The following INPP5A variants were observed in gnomAD, a reference collection of about 807,000 sequenced individuals.
The protein encoded by INPP5A is inositol polyphosphate-5-phosphatase A, also known as 43 kDa inositol polyphosphate 5-phophatase.
Under a neutral mutation model 65.2 loss-of-function variants are expected in INPP5A, and 14 were observed. The ratio of observed to expected loss-of-function variants is 0.21; its 90% CI spans 0.14 to 0.34. The LOEUF is 0.34. Among genes scored for constraint, INPP5A ranks in the 10% least tolerant of loss-of-function variants. The pLI is 1.00. For synonymous variants in INPP5A, 207 were observed against 208.3 expected (o/e 0.99, Z 0.05); for missense variants, 431 against 545.6 (o/e 0.79, Z 2.09).
At chr10:132,542,974 T>C (rs1034809492) in intron 1 of INPP5A, among the ~76,000 whole-genome samples, 1 of 152,118 alleles carries the variant, frequency 6.6e-6, no homozygotes, top group African/African-American at 2.4e-5. Context: ...AGCTGATTTT[T>C]TTATTTTTAT....
intron 1 of INPP5A, among the ~76,000 whole-genome samples, chr10:132,569,714 G>A (rs1460228818): frequency 6.6e-6 from 1 of 150,838 alleles, no homozygotes; most frequent in Non-Finnish European, 1.5e-5. Flanking sequence ...ATATTGGCCA[G>A]GCTGGTCTCG....
At chr10:132,703,462 C>T (rs1845470509) in intron 6 of INPP5A, among the ~76,000 whole-genome samples, 1 of 142,604 alleles carries the variant, frequency 7.0e-6, no homozygotes, top group Non-Finnish European at 1.5e-5. Context: ...ACATGCTTCA[C>T]CCACAGACAC....
chr10:132,766,723 T>A (rs2134675574), intron 12 of INPP5A, among the ~76,000 whole-genome samples: 1 of 152,358 alleles, frequency 6.6e-6, no homozygotes, highest in African/African-American at 2.4e-5. Flanking sequence ...TGCCTGGGTG[T>A]GGATGTTTGT....
intron 8 of INPP5A, among the ~76,000 whole-genome samples, chr10:132,711,837 T>TTGGCAGGCAC (rs1427995565): frequency 1.1e-4 from 16 of 152,262 alleles, no homozygotes; most frequent in African/African-American, 3.9e-4. Flanking sequence ...GAGGCAGGGA[T>TTGGCAGGCAC]TGGCAGGCAC....
At chr10:132,740,761 G>A (rs1164308171) in intron 9 of INPP5A, among the ~76,000 whole-genome samples, 1 of 152,138 alleles carries the variant, frequency 6.6e-6, no homozygotes, top group Non-Finnish European at 1.5e-5. Flanking sequence ...AATAAAGAAG[G>A]ATGGGACTTG....
chr10:132,574,474 G>T (rs955308874), intron 1 of INPP5A, among the ~76,000 whole-genome samples: 2 of 151,716 alleles, frequency 1.3e-5, no homozygotes, highest in Non-Finnish European at 2.9e-5. Flanking sequence ...TGTGTGTCCT[G>T]TGTGAGGTTT....
At chr10:132,657,923 G>A (rs892167154) in intron 4 of INPP5A, among the ~76,000 whole-genome samples, 1 of 152,218 alleles carries the variant, frequency 6.6e-6, no homozygotes, top group African/African-American at 2.4e-5. Flanking sequence ...CCTAAATCAC[G>A]GGCTGTCTCC....
intron 2 of INPP5A, among the ~76,000 whole-genome samples, chr10:132,632,697 A>G (rs1340282318): frequency 6.6e-6 from 1 of 152,232 alleles, no homozygotes; most frequent in Non-Finnish European, 1.5e-5. Context: ...ATTAAAAATC[A>G]AATTATATAA....
intron 12 of INPP5A, among the ~76,000 whole-genome samples, chr10:132,774,335 C>T (rs891691693): frequency 6.6e-6 from 1 of 152,220 alleles, no homozygotes; most frequent in Non-Finnish European, 1.5e-5. Context: ...CTGCACCCTC[C>T]TGCTCCGTGT....
chr10:132,728,256 C>T (rs1202157981), intron 9 of INPP5A, among the ~76,000 whole-genome samples: 3 of 152,212 alleles, frequency 2.0e-5, no homozygotes, highest in African/African-American at 4.8e-5. Context: ...TTTTAAAGCA[C>T]ACATCCCCCA....
At chr10:132,752,399 C>A (rs1846502544) in intron 11 of INPP5A, among the ~76,000 whole-genome samples, 1 of 138,774 alleles carries the variant, frequency 7.2e-6, no homozygotes. Flanking sequence ...CCAGCCGGGG[C>A]TGCGTGGAGT....
intron 4 of INPP5A, among the ~76,000 whole-genome samples, chr10:132,686,680 T>C (rs1845135675): frequency 6.6e-6 from 1 of 152,280 alleles, no homozygotes; most frequent in Non-Finnish European, 1.5e-5. Context: ...TTTTCACTTA[T>C]TTATTGCAAA....
intron 4 of INPP5A, among the ~76,000 whole-genome samples, chr10:132,662,705 A>G (rs78550111): frequency 0.014 from 2,197 of 152,228 alleles, 20 homozygotes; most frequent in Middle Eastern, 0.051. Context: ...TGCTGGACGG[A>G]AGGCAGCTGT....
chr10:132,639,592 G>A (rs962980457), intron 2 of INPP5A, among the ~76,000 whole-genome samples: 2 of 152,214 alleles, frequency 1.3e-5, no homozygotes, highest in African/African-American at 2.4e-5. Context: ...CACTCACTGA[G>A]GTTCTAGAAT....
chr10:132,595,842 T>G (rs942383572), intron 1 of INPP5A, among the ~76,000 whole-genome samples: 1 of 152,232 alleles, frequency 6.6e-6, no homozygotes, highest in African/African-American at 2.4e-5. Flanking sequence ...TTAGAATTAC[T>G]TTTTTAAGGA....
chr10:132,642,196 A>G (rs112217003), intron 2 of INPP5A, among the ~76,000 whole-genome samples: 3,537 of 152,250 alleles, frequency 0.023, 50 homozygotes, highest in South Asian at 0.039. Context: ...CCTGGAGCCC[A>G]TCTGCAGAGG....
In INPP5A at chr10:132,651,333, A is replaced by T; in HGVS notation, c.306+828A>T. Among the ~76,000 whole-genome samples, 1 of 125,838 alleles carries T rather than the reference A, an allele frequency of 7.9e-6. No homozygotes were observed. Among genetic ancestry groups the T allele is most frequent in the Admixed American group, 7.9e-5 (1 of 12,672 alleles). The allele number at this position is 125,838 out of a possible 152,430, so 82.6% of individuals were successfully genotyped here. On this transcript the variant is annotated intron_variant, in intron 4 of 15. Transcript: ENST00000368594. This position sits in a 1 kb window ranked among gnomAD's most constrained non-coding sequence, Gnocchi z 5.0. ...GCCCTGGGTCCCCCGGCCTGGATCC[A>T]TCTCCCCCGTCTCTGGGGAGGCCCT...
At chr10:132,740,569 G>A (rs1371121415) in intron 9 of INPP5A, among the ~76,000 whole-genome samples, 1 of 152,114 alleles carries the variant, frequency 6.6e-6, no homozygotes, top group African/African-American at 2.4e-5. Flanking sequence ...CTATTAACTC[G>A]TTTTAAGGAA....
rs1372018529 is a variant in INPP5A at position 132,537,806 on chromosome 10, C to T, written c.-291C>T. 4 of 352,386 alleles carry T rather than the reference C, an allele frequency of 1.1e-5. No individual in the cohort carries two copies. The highest frequency in any genetic ancestry group is 1.0e-5 in the Non-Finnish European group (2 of 196,564). 21.8% of individuals were successfully genotyped at this position (352,386 alleles called of 1,614,324 possible). On this transcript the variant is annotated 5_prime_UTR_variant, in exon 1 of 16. Coordinates refer to ENST00000368594, the MANE Select transcript of INPP5A (RefSeq NM_005539.5). ...GGCGGGACTTGCCCTCAGCCTGAGTCGGCGGCGGCTGCGGGAACTTTCCCA... is the reference window on the plus strand; with the variant it reads ...GGCGGGACTTGCCCTCAGCCTGAGTTGGCGGCGGCTGCGGGAACTTTCCCA...
Sources: gnomAD v4.1 joint callset for allele counts (sites outside exome capture counted in the v4.1 genomes callset) on GRCh38, gnomAD v4.1.1 for gene constraint, Gnocchi (gnomAD v3.1) non-coding constraint, MANE v1.5 for transcripts, NCBI Gene and HGNC (gene_info 2026-07-23, HGNC 2026-07-21) for gene names.